Variants in CNTNAP2 observed in about 807,000 individuals in gnomAD.
The protein encoded by CNTNAP2 is contactin-associated protein-like 2.
A neutral mutation model predicts 155.2 loss-of-function variants in CNTNAP2; 98 were observed. That is an observed-to-expected ratio of 0.63 (90% CI 0.54 to 0.75). The LOEUF (loss-of-function observed/expected upper bound fraction) is 0.75. Among genes scored for constraint, CNTNAP2 ranks in the 30% least tolerant of loss-of-function variants. CNTNAP2 has a pLI of 0.00. For missense variants in CNTNAP2, 1,727 were observed against 1,688.1 expected (o/e 1.02, Z -0.40); for synonymous variants, 651 against 631.2 (o/e 1.03, Z -0.47).
At chr7:147,689,442 C>A (rs1212451058) in intron 13 of CNTNAP2, among the ~76,000 whole-genome samples, 3 of 152,140 alleles carry the variant, frequency 2.0e-5, no homozygotes, top group Non-Finnish European at 4.4e-5. Context: ...AGCCACTATG[C>A]CCGGTCTCAT....
intron 12 of CNTNAP2, among the ~76,000 whole-genome samples, chr7:147,562,521 A>G (rs1460281105): frequency 1.3e-5 from 2 of 152,220 alleles, no homozygotes; most frequent in African/African-American, 4.8e-5. Flanking sequence ...GGAAAAAAAC[A>G]GAAAGTAAAG....
intron 3 of CNTNAP2, among the ~76,000 whole-genome samples, chr7:146,911,907 A>C (rs1333369581): frequency 6.6e-6 from 1 of 152,228 alleles, no homozygotes; most frequent in Non-Finnish European, 1.5e-5. Context: ...AAACACACAT[A>C]GAATTTCATA....
chr7:147,909,920 C>G (rs1861009), intron 14 of CNTNAP2, among the ~76,000 whole-genome samples: 32,011 of 151,972 alleles, frequency 0.21, 3,578 homozygotes, highest in Middle Eastern at 0.28. Context: ...CAGTTCCCAC[C>G]TCAACATTAG....
intron 1 of CNTNAP2, among the ~76,000 whole-genome samples, chr7:146,730,393 T>A (rs1338638410): frequency 6.6e-6 from 1 of 152,168 alleles, no homozygotes; most frequent in East Asian, 1.9e-4. Context: ...ATTTCTGAAT[T>A]CCTCATCCCA....
At chr7:147,601,459 A>G (rs1201744587) in intron 12 of CNTNAP2, among the ~76,000 whole-genome samples, 11 of 151,972 alleles carry the variant, frequency 7.2e-5, no homozygotes, top group Admixed American at 3.9e-4. Flanking sequence ...GGAATTTCAC[A>G]AGGTAATGTC....
chr7:146,616,872 G>C (rs1799233611), intron 1 of CNTNAP2, among the ~76,000 whole-genome samples: 1 of 152,164 alleles, frequency 6.6e-6, no homozygotes, highest in Non-Finnish European at 1.5e-5. Context: ...AACATGCATT[G>C]ATGAGATTAG....
intron 1 of CNTNAP2, among the ~76,000 whole-genome samples, chr7:146,473,046 A>G (rs569582537): frequency 1.3e-5 from 2 of 151,898 alleles, no homozygotes; most frequent in East Asian, 3.9e-4. Context: ...AAGTAGATCT[A>G]TATTTGGCCT....
At chr7:146,462,615 T>C (rs1796654649) in intron 1 of CNTNAP2, among the ~76,000 whole-genome samples, 1 of 152,206 alleles carries the variant, frequency 6.6e-6, no homozygotes, top group African/African-American at 2.4e-5. Context: ...AGAATATCTC[T>C]TATCAAAGCC....
At chr7:146,619,434 TA>T (rs1799281755) in intron 1 of CNTNAP2, among the ~76,000 whole-genome samples, 1 of 152,176 alleles carries the variant, frequency 6.6e-6, no homozygotes, top group Admixed American at 6.5e-5. Flanking sequence ...TAACTGCCTA[TA>T]TGAGTTTTGT....
intron 2 of CNTNAP2, among the ~76,000 whole-genome samples, chr7:146,780,470 T>C (rs1289221226): frequency 6.6e-6 from 1 of 152,244 alleles, no homozygotes; most frequent in Non-Finnish European, 1.5e-5. Context: ...ATTACAGGCG[T>C]GAGCCACTGT....
intron 8 of CNTNAP2, among the ~76,000 whole-genome samples, chr7:147,147,280 C>T (rs1563093357): frequency 1.3e-5 from 2 of 152,118 alleles, no homozygotes; most frequent in African/African-American, 4.8e-5. Context: ...CAGGTCTCTC[C>T]CTAGACACTT....
At chr7:146,947,897 A>C (rs1797223691) in intron 3 of CNTNAP2, among the ~76,000 whole-genome samples, 1 of 152,008 alleles carries the variant, frequency 6.6e-6, no homozygotes, top group Non-Finnish European at 1.5e-5. Context: ...CAAAGGCAGA[A>C]TTTGTTTCAG....
At chr7:147,039,204 G>GTA (rs1209709927) in intron 3 of CNTNAP2, among the ~76,000 whole-genome samples, 1 of 114,922 alleles carries the variant, frequency 8.7e-6, no homozygotes, top group Non-Finnish European at 2.0e-5. Flanking sequence ...ATGTGTGTAT[G>GTA]TGTATATATA....
At chr7:146,633,586 C>T (rs1799544926) in intron 1 of CNTNAP2, among the ~76,000 whole-genome samples, 1 of 151,806 alleles carries the variant, frequency 6.6e-6, no homozygotes. Context: ...AATTTTGGTA[C>T]CTATAATCTT....
At chr7:146,167,492 A>G (rs568353059) in intron 1 of CNTNAP2, among the ~76,000 whole-genome samples, 59 of 152,344 alleles carry the variant, frequency 3.9e-4, no homozygotes, top group African/African-American at 1.4e-3. Flanking sequence ...TATAGGATTG[A>G]TATGTAGCAG....
intron 8 of CNTNAP2, among the ~76,000 whole-genome samples, chr7:147,235,345 G>GGGGTGTGTGT (rs374435627): frequency 2.1e-5 from 3 of 140,882 alleles, no homozygotes; most frequent in African/African-American, 8.0e-5. Context: ...TGGAGTTTTT[G>GGGGTGTGTGT]GTGTGTGTGT....
chr7:146,974,142 T>C (rs1211199854), intron 3 of CNTNAP2, among the ~76,000 whole-genome samples: 1 of 152,116 alleles, frequency 6.6e-6, no homozygotes, highest in Admixed American at 6.6e-5. Context: ...TGAAGACATA[T>C]AGAGGACAGG....
In CNTNAP2 at chr7:148,415,945, A is replaced by G; in HGVS notation, c.*329A>G. 2.9e-6 allele frequency: 1 copy of G among 342,902 alleles called. No individual in the cohort carries two copies. 21.2% of individuals were successfully genotyped at this position (342,902 alleles called of 1,614,324 possible). The stretch of plus-strand genomic sequence containing the variant: ...TAGAGGTGTTCTAAAGACCCGTGGT[A>G]ACAGGGCAAGTTTTCTACGTTTTTA... On this transcript the variant is annotated 3_prime_UTR_variant, in exon 24 of 24. Transcript: ENST00000361727.
chr7:146,580,101 C>CT (rs1230455961), intron 1 of CNTNAP2, among the ~76,000 whole-genome samples: 1 of 152,052 alleles, frequency 6.6e-6, no homozygotes, highest in Non-Finnish European at 1.5e-5. Context: ...GACAGCATGA[C>CT]TTTTTTATTA....
Sources: gnomAD v4.1 joint callset for allele counts (sites outside exome capture counted in the v4.1 genomes callset) on GRCh38, gnomAD v4.1.1 for gene constraint, MANE v1.5 for transcripts, NCBI Gene and HGNC (gene_info 2026-07-23, HGNC 2026-07-21) for gene names.